MACROD2: variants seen among roughly 807,000 people sequenced by gnomAD.
MACROD2 encodes mono-ADP ribosylhydrolase 2.
MACROD2 carries 36 observed loss-of-function variants against 70.4 expected under a neutral mutation model. That is an observed-to-expected ratio of 0.51 (90% CI 0.39 to 0.68). The LOEUF is 0.68. Among genes scored for constraint, MACROD2 ranks in the 30% least tolerant of loss-of-function variants. MACROD2 has a pLI of 0.00. For missense variants in MACROD2, 496 were observed against 538.4 expected, an observed-to-expected ratio of 0.92 and a Z score of 0.78; for synonymous variants, 172 against 178.8, an observed-to-expected ratio of 0.96 and a Z score of 0.30.
At chr20:14,327,205 T>A (rs374161251) in intron 3 of MACROD2, 1 of 1,613,674 alleles carries the variant, frequency 6.2e-7, no homozygotes, top group Non-Finnish European at 8.5e-7. Context: ...CTTTGGGAGG[T>A]TGGTAGGAAA....
At chr20:14,977,462 T>TACACACACACACAC (rs3045702) in intron 5 of MACROD2, among the ~76,000 whole-genome samples, 32 of 135,088 alleles carry the variant, frequency 2.4e-4, no homozygotes, top group African/African-American at 8.4e-4. Flanking sequence ...AAGAAAAAGA[T>TACACACACACACAC]ACACACACAC....
At chr20:15,719,442 G>A (rs1230223578) in intron 8 of MACROD2, among the ~76,000 whole-genome samples, 1 of 152,170 alleles carries the variant, frequency 6.6e-6, no homozygotes, top group Non-Finnish European at 1.5e-5. Context: ...GTGATTAGCT[G>A]TGATATGCCT....
At chr20:14,089,187 A>G (rs2054118090) in intron 3 of MACROD2, among the ~76,000 whole-genome samples, 1 of 152,214 alleles carries the variant, frequency 6.6e-6, no homozygotes, top group South Asian at 2.1e-4. Flanking sequence ...TTTGCATCTC[A>G]CAAGGATAGT....
chr20:15,461,087 A>C (rs2046812901), intron 7 of MACROD2, among the ~76,000 whole-genome samples: 1 of 148,960 alleles, frequency 6.7e-6, no homozygotes, highest in Non-Finnish European at 1.5e-5. Flanking sequence ...AGTTCACTGC[A>C]ATCTTGAACT....
At chr20:15,246,089 A>G (rs910256803) in intron 6 of MACROD2, among the ~76,000 whole-genome samples, 4 of 152,248 alleles carry the variant, frequency 2.6e-5, no homozygotes, top group Non-Finnish European at 1.5e-5. Context: ...CTAAAGAACT[A>G]CAGACACATA....
At chr20:14,919,504 A>G (rs1231552701) in intron 5 of MACROD2, among the ~76,000 whole-genome samples, 1 of 152,226 alleles carries the variant, frequency 6.6e-6, no homozygotes, top group Non-Finnish European at 1.5e-5. Flanking sequence ...AAGCAGTTAA[A>G]CAAGCAAGCA....
Position 13,998,771 on chromosome 20 carries a change from C to T in MACROD2, c.46+2962C>T, listed in dbSNP as rs1031942227. ...GAGATTGAGACCATCCTGGGGAACA[C>T]GGTGAAACCCCGTCTTTACTAAAAA... On this transcript the variant is annotated intron_variant, in intron 1 of 17. Transcript: ENST00000684519. Among the ~76,000 whole-genome samples the T allele has an allele frequency of 5.3e-5, 8 of 151,808 alleles. No individual in the cohort carries two copies. In the South Asian group the frequency reaches 6.2e-4, roughly 12 times the overall value.
intron 5 of MACROD2, among the ~76,000 whole-genome samples, chr20:14,978,964 T>C (rs1470382550): frequency 1.4e-5 from 2 of 146,640 alleles, no homozygotes; most frequent in Admixed American, 6.9e-5. Flanking sequence ...TATATATATA[T>C]TTAAGAGACA....
chr20:15,168,097 G>A (rs1158503233), intron 5 of MACROD2, among the ~76,000 whole-genome samples: 6 of 152,126 alleles, frequency 3.9e-5, no homozygotes, highest in East Asian at 1.9e-4. Flanking sequence ...CAGCATGACC[G>A]TGGGGTGTGT....
At chr20:15,921,632 C>T (rs1196513011) in intron 10 of MACROD2, among the ~76,000 whole-genome samples, 3 of 152,214 alleles carry the variant, frequency 2.0e-5, no homozygotes, top group Non-Finnish European at 4.4e-5. Flanking sequence ...ATCTTAGCCA[C>T]CTACAACCTA....
At chr20:15,605,103 T>A (rs2048874484) in intron 8 of MACROD2, among the ~76,000 whole-genome samples, 1 of 149,888 alleles carries the variant, frequency 6.7e-6, no homozygotes, top group Admixed American at 6.6e-5. Flanking sequence ...GATTTTTTCC[T>A]CACACTAATA....
intron 5 of MACROD2, among the ~76,000 whole-genome samples, chr20:15,215,881 TAAGTC>T (rs1431199113): frequency 1.3e-5 from 2 of 152,016 alleles, no homozygotes; most frequent in Non-Finnish European, 2.9e-5. Flanking sequence ...ACCAGAAGAA[TAAGTC>T]AAGGAAATAC....
chr20:15,286,034 G>A (rs958898775), intron 6 of MACROD2, among the ~76,000 whole-genome samples: 1 of 151,962 alleles, frequency 6.6e-6, no homozygotes, highest in African/African-American at 2.4e-5. Flanking sequence ...CCTGAGTAAA[G>A]GAAGGAGTCT....
At chr20:14,396,968 T>G (rs556178139) in intron 3 of MACROD2, among the ~76,000 whole-genome samples, 1 of 147,568 alleles carries the variant, frequency 6.8e-6, no homozygotes, top group Non-Finnish European at 1.5e-5. Flanking sequence ...TAATTTTTAA[T>G]TGGTATATTT....
intron 3 of MACROD2, among the ~76,000 whole-genome samples, chr20:14,485,655 C>G (rs1227242996): frequency 4.6e-5 from 6 of 130,556 alleles, no homozygotes; most frequent in Non-Finnish European, 7.8e-5. Flanking sequence ...GAGCCGAGAT[C>G]GTGCCACTTG....
At chr20:14,612,711 C>T (rs1402377930) in intron 4 of MACROD2, among the ~76,000 whole-genome samples, 1 of 152,010 alleles carries the variant, frequency 6.6e-6, no homozygotes, top group Non-Finnish European at 1.5e-5. Flanking sequence ...CTCCCTAAAA[C>T]AATAGTCTTA....
chr20:15,139,759 T>C (rs2076177737), intron 5 of MACROD2, among the ~76,000 whole-genome samples: 1 of 152,194 alleles, frequency 6.6e-6, no homozygotes, highest in East Asian at 1.9e-4. Context: ...GATGTGTCAA[T>C]ACACCTTGGC....
chr20:16,044,669 A>G (rs746388871), intron 17 of MACROD2, 30 bp downstream of exon 17: 8 of 1,581,124 alleles, frequency 5.1e-6, no homozygotes, highest in East Asian at 2.2e-5. Flanking sequence ...GAGATTTTCA[A>G]TGATCAACCA....
chr20:14,118,241 C>T (rs1447798453), intron 3 of MACROD2, among the ~76,000 whole-genome samples: 2 of 152,134 alleles, frequency 1.3e-5, no homozygotes, highest in South Asian at 2.1e-4. Flanking sequence ...CATATAATTG[C>T]ATCTACTGAA....
Sources: gnomAD v4.1 joint callset for allele counts (sites outside exome capture counted in the v4.1 genomes callset) on GRCh38, gnomAD v4.1.1 for gene constraint, MANE v1.5 for transcripts, NCBI Gene and HGNC (gene_info 2026-07-23, HGNC 2026-07-21) for gene names.